Variants in CNBD2 observed in about 807,000 individuals in gnomAD.
CNBD2 encodes cyclic nucleotide binding domain containing 2, also known as cyclic nucleotide-binding domain-containing protein 2.
CNBD2 carries 64 observed loss-of-function variants against 63.7 expected under a neutral mutation model. The observed-to-expected ratio is 1.00, with a 90% CI of 0.82 to 1.24. CNBD2 has a LOEUF of 1.24. Ranked by LOEUF, CNBD2 falls within the 50% of genes most tolerant of loss-of-function variation. The pLI is 0.00. For synonymous variants in CNBD2, 229 were observed against 255.4 expected (o/e 0.90, Z 0.99); for missense variants, 691 against 713.5 (o/e 0.97, Z 0.36).
At chr20:35,968,427 C>T (rs1169093440), upstream of CNBD2, among the ~76,000 whole-genome samples, 1 of 152,142 alleles carries the variant, frequency 6.6e-6, no homozygotes, top group Non-Finnish European at 1.5e-5. Flanking sequence ...CCCCAGTCTC[C>T]TATGTATGGA....
At chr20:36,012,315 A>C (rs1349527897) in intron 10 of CNBD2, among the ~76,000 whole-genome samples, 1 of 151,272 alleles carries the variant, frequency 6.6e-6, no homozygotes. Context: ...AAAAAAAACC[A>C]AAACCCAAAC....
In CNBD2 at chr20:35,994,983, G is replaced by T. The variant is rs1339278968; in HGVS notation, c.856-55G>T. On this transcript the variant is annotated intron_variant, in intron 7 of 11. Transcript: ENST00000373973. ...TAAGAGAGATTTTCTTCAAAGCCTG[G>T]CCTACCTGGAGCCTTAGGGGTTAAC... 1.3e-5 allele frequency: 16 copies of T among 1,206,218 alleles called. No homozygotes were observed. In the Admixed American group the frequency reaches 2.1e-4, roughly 16 times the overall value. The allele number at this position is 1,206,218 out of a possible 1,614,324, so 74.7% of individuals were successfully genotyped here.
chr20:35,976,801 A>G (rs2056526004), intron 3 of CNBD2, among the ~76,000 whole-genome samples: 1 of 152,168 alleles, frequency 6.6e-6, no homozygotes, highest in Non-Finnish European at 1.5e-5. Context: ...ACCAATGCAG[A>G]CCTGACTTGA....
intron 7 of CNBD2, among the ~76,000 whole-genome samples, chr20:35,991,547 T>C (rs2056746427): frequency 6.6e-6 from 1 of 152,146 alleles, no homozygotes; most frequent in Admixed American, 6.6e-5. Flanking sequence ...CTCTGCCATA[T>C]CTCTCCAAAT....
chr20:35,998,086 G>A (rs2056850744), intron 8 of CNBD2, among the ~76,000 whole-genome samples: 1 of 139,710 alleles, frequency 7.2e-6, no homozygotes, highest in African/African-American at 2.8e-5. Context: ...CTGTCACCCA[G>A]GCTGGAGTGC....
chr20:36,013,881 A>G (rs1187422691), intron 10 of CNBD2, among the ~76,000 whole-genome samples: 2 of 152,096 alleles, frequency 1.3e-5, no homozygotes, highest in Non-Finnish European at 2.9e-5. Flanking sequence ...ATAATTATGT[A>G]TAGAAATATG....
chr20:35,984,207 C>A, intron 5 of CNBD2, 69 bp downstream of exon 5: 1 of 1,505,816 alleles, frequency 6.6e-7, no homozygotes, highest in Non-Finnish European at 9.0e-7. Flanking sequence ...TCTGCTAGAA[C>A]CTCTCAGCCA....
chr20:35,972,756 CCTT>C lies in CNBD2; in HGVS notation c.182_184del (p.Phe61del). 1.9e-6 allele frequency: 3 copies of C among 1,614,134 alleles called. No individual in the cohort carries two copies. The highest frequency in any genetic ancestry group is 2.5e-6 in the Non-Finnish European group (3 of 1,180,006). On this transcript the variant is annotated inframe_deletion, in exon 2 of 12. Coordinates refer to ENST00000373973, the MANE Select transcript of CNBD2 (RefSeq NM_001365709.1). ...GCTCACTGGAAGCACCCTATCTTCTCCTTCTGGGATGTAAGCAGTTGGGCTCAG... is the reference window on the plus strand; with the variant it reads ...GCTCACTGGAAGCACCCTATCTTCTCCTGGGATGTAAGCAGTTGGGCTCAG...
chr20:36,011,162 T>A lies in CNBD2; in HGVS notation c.1174T>A (p.Cys392Ser), dbSNP rs149299145. Residue 392 changes from cysteine to serine, a missense_variant, in exon 10 of 12, where the codon TGT becomes AGT. Cys to Ser is a moderately radical substitution (Grantham distance 112). Transcript: ENST00000373973. ...IQSRPAQSIK[C>S]AMINIKPGEL... ...ATCCAGGCCTGCTCAGTCGATCAAA[T>A]GTGCCATGATCAATATCAAGCCTGG... 1.9e-6 allele frequency: 3 copies of A among 1,590,754 alleles called. No homozygotes were observed. In the East Asian group the frequency reaches 6.9e-5, roughly 37 times the overall value.
chr20:36,023,490 GCAA>G, intron 10 of CNBD2, 109 bp from the exon 11 acceptor site: 1 of 983,122 alleles, frequency 1.0e-6, no homozygotes, highest in East Asian at 2.8e-5. Context: ...TCCAGCCTGG[GCAA>G]CAACAGCGAA....
chr20:35,967,758 C>T (rs2056358666), upstream of CNBD2, among the ~76,000 whole-genome samples: 2 of 152,010 alleles, frequency 1.3e-5, no homozygotes, highest in South Asian at 4.1e-4. Flanking sequence ...GCGGCTGAGG[C>T]AGGAGAATCA....
upstream of CNBD2, among the ~76,000 whole-genome samples, chr20:35,964,623 CTG>C (rs1418006333): frequency 6.6e-6 from 1 of 151,208 alleles, no homozygotes; most frequent in African/African-American, 2.4e-5. Context: ...TCTCGATCTC[CTG>C]ACCTCGTGAT....
At chr20:35,985,480 A>G (rs556478584) in intron 6 of CNBD2, among the ~76,000 whole-genome samples, 102 of 143,790 alleles carry the variant, frequency 7.1e-4, no homozygotes, top group Middle Eastern at 3.8e-3. Context: ...CTATAAAACT[A>G]TAATTCCTTT....
intron 8 of CNBD2, among the ~76,000 whole-genome samples, chr20:35,999,740 C>T (rs988258540): frequency 1.1e-4 from 17 of 151,100 alleles, no homozygotes; most frequent in East Asian, 7.8e-4. Flanking sequence ...TGCAATGGCA[C>T]GATCTCGGCT....
At chr20:36,016,808 A>T (rs1006989250) in intron 10 of CNBD2, among the ~76,000 whole-genome samples, 2 of 150,852 alleles carry the variant, frequency 1.3e-5, no homozygotes. Context: ...AAAAAAAAGG[A>T]ATCCAAGGCT....
downstream of CNBD2, among the ~76,000 whole-genome samples, chr20:35,959,240 C>T (rs752237134): frequency 2.7e-4 from 41 of 151,960 alleles, no homozygotes; most frequent in Non-Finnish European, 4.9e-4. Context: ...TTTTTAAAAC[C>T]GATGGTTATG....
intron 4 of CNBD2, among the ~76,000 whole-genome samples, chr20:35,982,727 A>ATTT (rs111477946): frequency 5.5e-5 from 8 of 146,094 alleles, no homozygotes; most frequent in African/African-American, 2.0e-4. Flanking sequence ...ATTGTGCCCA[A>ATTT]TTTTTTTTTT....
intron 10 of CNBD2, among the ~76,000 whole-genome samples, chr20:36,018,938 G>A (rs1317000269): frequency 5.3e-5 from 8 of 152,188 alleles, no homozygotes; most frequent in Admixed American, 2.6e-4. Flanking sequence ...AAAGTTGTGT[G>A]GCTCCATTTG....
rs151225093 is a variant in CNBD2 at position 35,984,080 on chromosome 20, G to A, written c.506G>A (p.Gly169Asp). The change falls in exon 5 of 12, where the codon GGC (glycine) becomes GAC (aspartate). Residue 169 changes from glycine (G) to aspartate (D), a missense_variant. Physicochemically the swap from Gly to Asp is moderately conservative, Grantham distance 94. Transcript: ENST00000373973. ...GTVAITKDED[G>D]SSAFLDPHPK... is the part of the protein sequence containing the mutation. The stretch of plus-strand genomic sequence containing the variant: ...GTTGCAATAACCAAGGACGAGGATG[G>A]CAGCAGTGCCTTCCTAGATCCCCAC... 6.2e-7 allele frequency: 1 copy of A among 1,613,950 alleles called. No homozygotes were observed. Among genetic ancestry groups the A allele is most frequent in the South Asian group, 1.1e-5 (1 of 91,050 alleles).
Sources: allele counts gnomAD v4.1 joint callset (sites outside exome capture counted in the v4.1 genomes callset), GRCh38; gene constraint gnomAD v4.1.1; transcripts MANE v1.5; gene names NCBI Gene and HGNC (gene_info 2026-07-23, HGNC 2026-07-21).